Variants in ROBO2 observed in about 807,000 individuals in gnomAD.
The protein encoded by ROBO2 is roundabout homolog 2.
A neutral mutation model predicts 160.8 loss-of-function variants in ROBO2; 53 were observed. That is an observed-to-expected ratio of 0.33 (90% CI 0.26 to 0.41). The LOEUF (loss-of-function observed/expected upper bound fraction) is 0.41, where lower values mean the gene tolerates loss of function less well. Among genes scored for constraint, ROBO2 ranks in the 10% least tolerant of loss-of-function variants. The pLI is 1.00. For synonymous variants in ROBO2, 664 were observed against 611.7 expected (o/e 1.09, Z -1.26); for missense variants, 1,577 against 1,722.4 (o/e 0.92, Z 1.49).
intron 2 of ROBO2, among the ~76,000 whole-genome samples, chr3:76,732,994 T>TTG (rs2093659070): frequency 8.5e-6 from 1 of 117,460 alleles, no homozygotes; most frequent in South Asian, 2.9e-4. Flanking sequence ...TGACTGGGGG[T>TTG]GGGGGGGGGA....
At chr3:77,245,168 G>A (rs563031624) in intron 2 of ROBO2, among the ~76,000 whole-genome samples, 10 of 152,210 alleles carry the variant, frequency 6.6e-5, no homozygotes, top group East Asian at 5.8e-4. Flanking sequence ...TTAATAAGGC[G>A]CCTGTCATAT....
At chr3:77,176,348 G>T (rs574315803) in intron 2 of ROBO2, among the ~76,000 whole-genome samples, 3 of 151,926 alleles carry the variant, frequency 2.0e-5, no homozygotes, top group African/African-American at 7.2e-5. Context: ...ATACTCGGAC[G>T]GATTTTTCCC....
At chr3:76,113,582 C>T (rs561130130) in intron 2 of ROBO2, among the ~76,000 whole-genome samples, 10 of 152,160 alleles carry the variant, frequency 6.6e-5, no homozygotes, top group African/African-American at 1.4e-4. Flanking sequence ...ATAGGAATAT[C>T]GGAGTACTTG....
chr3:77,497,349 A>G (rs2086929204), intron 5 of ROBO2, among the ~76,000 whole-genome samples: 1 of 152,150 alleles, frequency 6.6e-6, no homozygotes, highest in Admixed American at 6.5e-5. Flanking sequence ...TTTATAGTTT[A>G]TAATGATTAT....
intron 2 of ROBO2, among the ~76,000 whole-genome samples, chr3:75,975,996 A>G (rs1329081426): frequency 2.0e-5 from 3 of 151,480 alleles, no homozygotes; most frequent in Admixed American, 6.6e-5. Context: ...TCTGAAAATC[A>G]CTGAATAGCA....
intron 2 of ROBO2, among the ~76,000 whole-genome samples, chr3:77,242,481 C>T (rs936366822): frequency 1.3e-5 from 2 of 152,070 alleles, no homozygotes; most frequent in Non-Finnish European, 2.9e-5. Context: ...ATGTTGTTAT[C>T]CAAAATATAT....
At chr3:77,318,363 A>G (rs1335892043) in intron 2 of ROBO2, among the ~76,000 whole-genome samples, 1 of 152,180 alleles carries the variant, frequency 6.6e-6, no homozygotes, top group Non-Finnish European at 1.5e-5. Flanking sequence ...TGATCACCTT[A>G]TGTACTCTTC....
intron 2 of ROBO2, among the ~76,000 whole-genome samples, chr3:77,251,767 G>T (rs934306431): frequency 4.6e-5 from 7 of 152,102 alleles, no homozygotes; most frequent in Admixed American, 2.0e-4. Context: ...TTTACAAGGG[G>T]TTTCCACTTT....
chr3:76,659,648 T>C lies in ROBO2; in HGVS notation c.110-438366T>C, dbSNP rs545904231. Among the ~76,000 whole-genome samples, 5 of 152,286 alleles carry C rather than the reference T, an allele frequency of 3.3e-5. No individual in the cohort carries two copies. In the East Asian group the frequency reaches 7.7e-4, roughly 23 times the overall value. Reference sequence around the variant, plus strand: ...TTTAAAAGGAAGCCTACGACTTAGATGTTAAAATGCAAGTTTAAGAAAAGT... The same window carrying C: ...TTTAAAAGGAAGCCTACGACTTAGACGTTAAAATGCAAGTTTAAGAAAAGT... On this transcript the variant is annotated intron_variant, in intron 2 of 26. Coordinates refer to the ROBO2 transcript ENST00000487694.
intron 2 of ROBO2, among the ~76,000 whole-genome samples, chr3:76,717,716 A>G (rs1319393184): frequency 2.0e-5 from 3 of 152,164 alleles, no homozygotes; most frequent in African/African-American, 2.4e-5. Context: ...ACTCTAAAGC[A>G]GGTCTTAAAA....
rs2094317566 is a variant in ROBO2, at chr3:77,596,880, A to G, written c.2854+130A>G. ...CCCATAATTAAAATCAATGAAACATATGCACTAACAGTGTTGTACATTTGC... is the reference window on the plus strand; with the variant it reads ...CCCATAATTAAAATCAATGAAACATGTGCACTAACAGTGTTGTACATTTGC... On this transcript the variant is annotated intron_variant, in intron 19 of 25. Coordinates refer to ENST00000461745, the Ensembl canonical transcript of ROBO2. 5 of 1,068,318 alleles carry G rather than the reference A, an allele frequency of 4.7e-6. No homozygotes were observed. The Admixed American group carries it at 6.3e-5, about 14-fold the overall frequency. 66.2% of individuals were successfully genotyped at this position (1,068,318 alleles called of 1,614,324 possible). A position where few individuals can be genotyped will look rare whatever the true frequency, so the allele number is the denominator to read the frequency against.
intron 2 of ROBO2, among the ~76,000 whole-genome samples, chr3:76,212,025 T>G (rs1703177326): frequency 6.6e-6 from 1 of 152,016 alleles, no homozygotes; most frequent in East Asian, 1.9e-4. Flanking sequence ...TAGAAATACA[T>G]TTATGCATTT....
At chr3:76,524,378 C>A (rs2081812711) in intron 2 of ROBO2, among the ~76,000 whole-genome samples, 1 of 151,860 alleles carries the variant, frequency 6.6e-6, no homozygotes, top group Non-Finnish European at 1.5e-5. Context: ...TGACAAATAA[C>A]CTCCCAAGGC....
At chr3:77,428,337 A>ATTTTTTTTTTTTTTTTTTTTT (rs1491236295) in intron 2 of ROBO2, among the ~76,000 whole-genome samples, 2 of 128,222 alleles carry the variant, frequency 1.6e-5, no homozygotes, top group Non-Finnish European at 1.6e-5. Flanking sequence ...AACTTAGGTA[A>ATTTTTTTTTTTTTTTTTTTTT]TATTTTTTTT....
intron 2 of ROBO2, among the ~76,000 whole-genome samples, chr3:77,103,689 G>T (rs1160507079): frequency 6.6e-6 from 1 of 152,130 alleles, no homozygotes; most frequent in East Asian, 1.9e-4. Context: ...GAAGAAGAAG[G>T]TCTTGCATTA....
Position 77,382,346 on chromosome 3 carries a change from CT to C in ROBO2, c.389-95052del, listed in dbSNP as rs58518864. The stretch of plus-strand genomic sequence containing the variant: ...GTTGAAATAGTAGAAAACACATGTC[CT>C]TTTTTTTTTTTTTTTAAAAAGTCTT... On this transcript the variant is annotated intron_variant, in intron 2 of 25. Transcript: ENST00000461745. Among the ~76,000 whole-genome samples the C allele has an allele frequency of 7.6e-3, 1,023 of 135,054 alleles. 9 individuals carry two copies. The highest frequency in any genetic ancestry group is 0.023 in the African/African-American group (890 of 38,380). 88.6% of individuals were successfully genotyped at this position (135,054 alleles called of 152,430 possible). A position where few individuals can be genotyped will look rare whatever the true frequency, so the allele number is the denominator to read the frequency against.
intron 2 of ROBO2, among the ~76,000 whole-genome samples, chr3:76,000,180 C>T (rs1178987711): frequency 3.3e-5 from 5 of 151,998 alleles, no homozygotes; most frequent in Non-Finnish European, 7.4e-5. Flanking sequence ...TAGTCATAAT[C>T]TATATATTTT....
At chr3:76,679,885 C>T (rs1277901123) in intron 2 of ROBO2, among the ~76,000 whole-genome samples, 1 of 152,026 alleles carries the variant, frequency 6.6e-6, no homozygotes, top group Admixed American at 6.6e-5. Context: ...CCTTCTTTGG[C>T]TTATTACAGA....
In ROBO2 at chr3:77,484,310, C is replaced by A. The variant is rs183088746; in HGVS notation, c.667+3091C>A. 6.6e-5 allele frequency among the ~76,000 whole-genome samples: 10 copies of A among 152,018 alleles called. No individual in the cohort carries two copies. The East Asian group carries it at 1.9e-3, about 29-fold the overall frequency. Reference sequence around the variant, plus strand: ...GAAAGTAGAGTTGAAGTAAATAATACAATTTCTAATTATGAGTAGATTTCA... The same window carrying A: ...GAAAGTAGAGTTGAAGTAAATAATAAAATTTCTAATTATGAGTAGATTTCA... On this transcript the variant is annotated intron_variant, in intron 4 of 25. Transcript: ENST00000461745.
Sources: allele counts gnomAD v4.1 joint callset (sites outside exome capture counted in the v4.1 genomes callset), GRCh38; gene constraint gnomAD v4.1.1; transcripts MANE v1.5; gene names NCBI Gene and HGNC (gene_info 2026-07-23, HGNC 2026-07-21).